GABRG2: variants seen among roughly 807,000 people sequenced by gnomAD.
GABRG2 encodes gamma-aminobutyric acid receptor subunit gamma-2.
A neutral mutation model predicts 56.4 loss-of-function variants in GABRG2; 16 were observed. The observed-to-expected ratio is 0.28, with a 90% CI of 0.19 to 0.43. The LOEUF is 0.43. GABRG2 is among the 20% of genes least tolerant of loss of function. The pLI is 1.00. For missense variants in GABRG2, 327 were observed against 582.7 expected, an observed-to-expected ratio of 0.56 and a Z score of 4.52; for synonymous variants, 208 against 205.5, an observed-to-expected ratio of 1.01 and a Z score of -0.10.
chr5:162,107,758 G>A (rs1036727554), intron 6 of GABRG2, among the ~76,000 whole-genome samples: 8 of 152,146 alleles, frequency 5.3e-5, no homozygotes, highest in African/African-American at 1.7e-4. Context: ...TTGCCCCAGT[G>A]AGCCAGGCGT....
At position 162,151,458 on chromosome 5, in the gene GABRG2, G is replaced by A. The variant is rs144885075; in HGVS notation, c.1129-272G>A. On this transcript the variant is annotated intron_variant, in intron 8 of 9. Coordinates refer to ENST00000639213, the MANE Select transcript of GABRG2 (RefSeq NM_198904.4). The stretch of plus-strand genomic sequence containing the variant: ...GAACCAGGCAATAGAAAACTTCCTT[G>A]CAATTGAACAACTCTGGCTTCTTCA... 2.3e-3 allele frequency: 792 copies of A among 350,990 alleles called. 4 individuals carry two copies. The highest frequency in any genetic ancestry group is 4.6e-3 in the Admixed American group (103 of 22,282). 21.7% of individuals were successfully genotyped at this position (350,990 alleles called of 1,614,324 possible). A position where few individuals can be genotyped will look rare whatever the true frequency, so the allele number is the denominator to read the frequency against.
At chr5:162,141,223 G>C (rs1219524858) in intron 6 of GABRG2, among the ~76,000 whole-genome samples, 1 of 152,086 alleles carries the variant, frequency 6.6e-6, no homozygotes, top group Admixed American at 6.5e-5. Context: ...TTTTTTAGTA[G>C]AGACGGGGTT....
rs1333707669 is a variant in GABRG2 at position 162,153,173 on chromosome 5, G to A, written c.1233G>A (p.Glu411=). ...NATHLQERDE[E]YGYECLDGKD... is the part of the protein sequence containing the mutation. ...CACACCTTCAAGAGAGAGATGAAGA[G>A]TACGGCTATGAGTGTCTGGACGGCA... The change falls in exon 10 of 10, where the codon GAG becomes GAA. Residue 411 remains glutamate (E), a synonymous_variant. Transcript: ENST00000639213. The A allele has an allele frequency of 6.2e-7, 1 of 1,614,106 alleles. No individual in the cohort carries two copies. Among genetic ancestry groups the A allele is most frequent in the South Asian group, 1.1e-5 (1 of 91,086 alleles).
chr5:162,118,204 G>GGTGT (rs3079259), intron 6 of GABRG2, among the ~76,000 whole-genome samples: 3,289 of 146,164 alleles, frequency 0.023, 81 homozygotes, highest in African/African-American at 0.057. Flanking sequence ...AGGTTCTGAT[G>GGTGT]GTGTGTGTGT....
chr5:162,114,787 C>A (rs1342464741), intron 6 of GABRG2, among the ~76,000 whole-genome samples: 2 of 152,168 alleles, frequency 1.3e-5, no homozygotes, highest in African/African-American at 4.8e-5. Context: ...TTTATCTCTA[C>A]TGTCCACTTT....
At chr5:162,086,341 A>T (rs1760109779) in intron 1 of GABRG2, among the ~76,000 whole-genome samples, 1 of 152,050 alleles carries the variant, frequency 6.6e-6, no homozygotes, top group African/African-American at 2.4e-5. Flanking sequence ...ACACTTACAA[A>T]GTTTTAGAAA....
At chr5:162,151,888 C>A in intron 9 of GABRG2, 135 bp downstream of exon 9, 1 of 765,844 alleles carries the variant, frequency 1.3e-6, no homozygotes, top group South Asian at 1.7e-5. Flanking sequence ...GGAGAAAGTT[C>A]TACAGACTTC....
At chr5:162,119,370 T>A (rs1440500075) in intron 6 of GABRG2, among the ~76,000 whole-genome samples, 3 of 152,154 alleles carry the variant, frequency 2.0e-5, no homozygotes, top group African/African-American at 7.2e-5. Flanking sequence ...AGTTCATAGT[T>A]ACCCAATGTT....
At chr5:162,104,165 A>C (rs2113372099) in intron 6 of GABRG2, 139 bp downstream of exon 6, 1 of 794,542 alleles carries the variant, frequency 1.3e-6, no homozygotes, top group South Asian at 1.5e-5. Flanking sequence ...TTCTAGAGAA[A>C]ATTATAATTG....
intron 6 of GABRG2, among the ~76,000 whole-genome samples, chr5:162,111,813 C>T (rs1762270917): frequency 1.3e-5 from 2 of 152,022 alleles, no homozygotes; most frequent in Admixed American, 1.3e-4. Flanking sequence ...AAAAACTATT[C>T]CTAAGCTTGA....
chr5:162,095,163 G>T (rs759710646), intron 2 of GABRG2, among the ~76,000 whole-genome samples: 3 of 152,074 alleles, frequency 2.0e-5, no homozygotes, highest in Non-Finnish European at 4.4e-5. Context: ...AGAGCTTGAA[G>T]GAAACATGGT....
chr5:162,126,643 T>C (rs775134247), intron 6 of GABRG2, among the ~76,000 whole-genome samples: 57 of 151,882 alleles, frequency 3.8e-4, no homozygotes, highest in Admixed American at 1.3e-3. Context: ...CACACTCAAT[T>C]CTCCGAGCCC....
At chr5:162,102,397 G>A (rs1350959612) in intron 5 of GABRG2, 20 of 415,982 alleles carry the variant, frequency 4.8e-5, no homozygotes, top group Admixed American at 4.2e-4. Context: ...TGATTTCTCT[G>A]CCATCAGGTG....
In GABRG2 at chr5:162,139,682, C is replaced by A. The variant is rs942251285; in HGVS notation, c.770-2482C>A. 2.0e-5 allele frequency among the ~76,000 whole-genome samples: 3 copies of A among 152,198 alleles called. No individual in the cohort carries two copies. The East Asian group carries it at 5.8e-4, about 29-fold the overall frequency. On this transcript the variant is annotated intron_variant, in intron 6 of 9. Coordinates refer to ENST00000639213, the MANE Select transcript of GABRG2 (RefSeq NM_198904.4). ...GTGCCAGATCATTAATACCAAAGTG[C>A]AGATCTTCATTCACTTACATGATAA...
chr5:162,069,536 T>C (rs1160003862), intron 1 of GABRG2, among the ~76,000 whole-genome samples: 1 of 152,130 alleles, frequency 6.6e-6, no homozygotes, highest in Non-Finnish European at 1.5e-5. Context: ...GACAGATAGA[T>C]TTATGATAAA....
chr5:162,141,248 AG>A (rs1764544364), intron 6 of GABRG2, among the ~76,000 whole-genome samples: 1 of 152,166 alleles, frequency 6.6e-6, no homozygotes, highest in South Asian at 2.1e-4. Flanking sequence ...CGTGTTAGCC[AG>A]GATGGTCTCG....
chr5:162,102,472 T>G, intron 5 of GABRG2: 1 of 453,872 alleles, frequency 2.2e-6, no homozygotes, highest in Admixed American at 2.4e-5. Context: ...ATCAGAATAA[T>G]TCAGTCACCA....
chr5:162,082,439 C>T (rs1027797531), intron 1 of GABRG2, among the ~76,000 whole-genome samples: 7 of 151,786 alleles, frequency 4.6e-5, no homozygotes, highest in East Asian at 1.9e-4. Flanking sequence ...ACCTTTTTGA[C>T]GTAACACATG....
intron 7 of GABRG2, among the ~76,000 whole-genome samples, chr5:162,145,437 G>A (rs1228729343): frequency 6.6e-6 from 1 of 152,150 alleles, no homozygotes; most frequent in Non-Finnish European, 1.5e-5. Flanking sequence ...ATCCACCCAG[G>A]TAAGATAAGT....
Sources: allele counts gnomAD v4.1 joint callset (sites outside exome capture counted in the v4.1 genomes callset), GRCh38; gene constraint gnomAD v4.1.1; transcripts MANE v1.5; gene names NCBI Gene and HGNC (gene_info 2026-07-23, HGNC 2026-07-21).